Variants in LRRC20 observed in about 807,000 individuals in gnomAD.
The protein encoded by LRRC20 is leucine rich repeat containing 20.
In LRRC20, 11 loss-of-function variants were observed where a neutral mutation model predicts 14.4. The ratio of observed to expected loss-of-function variants is 0.77; its 90% CI spans 0.48 to 1.27. The LOEUF (loss-of-function observed/expected upper bound fraction) is 1.27. Ranked by LOEUF, LRRC20 falls within the 50% of genes most tolerant of loss-of-function variation. LRRC20 has a pLI of 0.00. For missense variants in LRRC20, 219 were observed against 251.2 expected (o/e 0.87, Z 0.87); for synonymous variants, 121 against 107.3 (o/e 1.13, Z -0.79).
chr10:70,337,438 C>T (rs116203863), intron 3 of LRRC20, among the ~76,000 whole-genome samples: 2,390 of 152,252 alleles, frequency 0.016, 55 homozygotes, highest in African/African-American at 0.053. Context: ...TTTGAGGCAG[C>T]GTGAGGGAGT....
chr10:70,313,642 C>T (rs573415206), intron 4 of LRRC20, among the ~76,000 whole-genome samples: 1 of 152,112 alleles, frequency 6.6e-6, no homozygotes, highest in Non-Finnish European at 1.5e-5. Flanking sequence ...AAAGACAATA[C>T]CAGCCCCTTC....
intron 2 of LRRC20, among the ~76,000 whole-genome samples, chr10:70,344,898 G>C (rs1161905316): frequency 6.6e-6 from 1 of 152,188 alleles, no homozygotes; most frequent in African/African-American, 2.4e-5. Flanking sequence ...AGTTTTGTAT[G>C]TGAAGATATA....
chr10:70,301,277 C>A lies in LRRC20; in HGVS notation c.*77G>T. On this transcript the variant is annotated 3_prime_UTR_variant, in exon 5 of 5. Coordinates refer to ENST00000446961, the MANE Select transcript of LRRC20 (RefSeq NM_001278212.2). ...CGCCCCCAGCCCCCAGGCTTGGCCT[C>A]CCATGGGCCTCCCTCCCTTCCAGGG... 1 of 1,525,916 alleles carries A rather than the reference C, an allele frequency of 6.6e-7. No individual in the cohort carries two copies. The highest frequency in any genetic ancestry group is 8.8e-7 in the Non-Finnish European group (1 of 1,139,652). 94.5% of individuals were successfully genotyped at this position (1,525,916 alleles called of 1,614,324 possible).
intron 3 of LRRC20, among the ~76,000 whole-genome samples, chr10:70,339,465 C>G (rs7095498): frequency 0.56 from 84,767 of 151,914 alleles, 23,845 homozygotes; most frequent in African/African-American, 0.62. Context: ...CAGGTGAGAG[C>G]GCAAGGAGGC....
At chr10:70,319,982 C>A (rs1468189998) in intron 4 of LRRC20, among the ~76,000 whole-genome samples, 1 of 152,158 alleles carries the variant, frequency 6.6e-6, no homozygotes, top group Non-Finnish European at 1.5e-5. Flanking sequence ...AGCCCCTTGA[C>A]CCACTCTGCT....
At chr10:70,366,312 G>A (rs1472668940) in intron 2 of LRRC20, among the ~76,000 whole-genome samples, 2 of 150,920 alleles carry the variant, frequency 1.3e-5, no homozygotes, top group South Asian at 4.2e-4. Flanking sequence ...AATCCCAGCT[G>A]CTCGGGAGGC....
At chr10:70,367,999 T>TATGTTATG in intron 2 of LRRC20, among the ~76,000 whole-genome samples, 61 of 145,986 alleles carry the variant, frequency 4.2e-4, no homozygotes, top group South Asian at 6.7e-4. Context: ...TATGTTATTT[T>TATGTTATG]TTGAGATGGA....
chr10:70,338,174 A>G (rs774840390), intron 3 of LRRC20, among the ~76,000 whole-genome samples: 1 of 152,182 alleles, frequency 6.6e-6, no homozygotes, highest in Non-Finnish European at 1.5e-5. Context: ...CTTCACTCAG[A>G]AACAGCTATG....
At chr10:70,370,362 G>A (rs1844219803) in intron 2 of LRRC20, among the ~76,000 whole-genome samples, 1 of 152,120 alleles carries the variant, frequency 6.6e-6, no homozygotes, top group Non-Finnish European at 1.5e-5. Context: ...GGAGCACAGG[G>A]TCCAAATTAT....
At chr10:70,381,008 G>C (rs996598545) in intron 1 of LRRC20, among the ~76,000 whole-genome samples, 6 of 152,238 alleles carry the variant, frequency 3.9e-5, no homozygotes, top group Non-Finnish European at 8.8e-5. Flanking sequence ...TCAGGAGAGA[G>C]AGAGACAGGG....
chr10:70,300,711 C>T lies in LRRC20; in HGVS notation c.*643G>A, dbSNP rs370138065. 30 of 985,594 alleles carry T rather than the reference C, an allele frequency of 3.0e-5. 1 individual carries two copies. The South Asian group carries it at 3.3e-4, about 11-fold the overall frequency. 61.1% of individuals were successfully genotyped at this position (985,594 alleles called of 1,614,324 possible). The stretch of plus-strand genomic sequence containing the variant: ...TCCCCATTCCCAGCCTGCTGGTCCT[C>T]GGGCTCCTACATGAATGTTCTTGCC... On this transcript the variant is annotated 3_prime_UTR_variant, in exon 5 of 5. Transcript: ENST00000446961.
chr10:70,361,034 T>G (rs1589115777), intron 2 of LRRC20, among the ~76,000 whole-genome samples: 1 of 135,296 alleles, frequency 7.4e-6, no homozygotes, highest in Non-Finnish European at 1.6e-5. Flanking sequence ...GAAGACAGAG[T>G]GAGACCCCAT....
chr10:70,374,564 G>C (rs1475340011), intron 2 of LRRC20, among the ~76,000 whole-genome samples: 1 of 152,018 alleles, frequency 6.6e-6, no homozygotes, highest in Non-Finnish European at 1.5e-5. Flanking sequence ...GGCTGGTCTT[G>C]AACTCCTGGC....
intron 2 of LRRC20, among the ~76,000 whole-genome samples, chr10:70,340,974 T>C (rs1213447664): frequency 6.6e-6 from 1 of 152,232 alleles, no homozygotes; most frequent in Non-Finnish European, 1.5e-5. Flanking sequence ...CAGAATCGTG[T>C]CTGCCGGCAC....
chr10:70,344,958 G>T (rs1237630086), intron 2 of LRRC20, among the ~76,000 whole-genome samples: 1 of 152,152 alleles, frequency 6.6e-6, no homozygotes. Context: ...GTTTTTTAAA[G>T]AAATTAATTT....
intron 2 of LRRC20, among the ~76,000 whole-genome samples, chr10:70,346,674 T>A (rs1006152697): frequency 6.6e-6 from 1 of 152,186 alleles, no homozygotes; most frequent in African/African-American, 2.4e-5. Context: ...AAAGGATACA[T>A]GCCTGGGAAA....
At chr10:70,359,909 TTTTC>T (rs1843659269) in intron 2 of LRRC20, among the ~76,000 whole-genome samples, 1 of 151,512 alleles carries the variant, frequency 6.6e-6, no homozygotes, top group Non-Finnish European at 1.5e-5. Flanking sequence ...ACTGCATTTT[TTTTC>T]TTTTTCTTTT....
intron 4 of LRRC20, among the ~76,000 whole-genome samples, chr10:70,318,805 TGTTTTTG>T (rs1841971502): frequency 1.3e-5 from 2 of 152,022 alleles, no homozygotes; most frequent in African/African-American, 2.4e-5. Context: ...ATTTTTTGTT[TGTTTTTG>T]TTTTTTGTTT....
chr10:70,338,853 G>T (rs1447509632), intron 3 of LRRC20, among the ~76,000 whole-genome samples: 1 of 152,214 alleles, frequency 6.6e-6, no homozygotes, highest in Non-Finnish European at 1.5e-5. Flanking sequence ...TAGAGACAGA[G>T]TTTCGCCATG....
Sources: allele counts gnomAD v4.1 joint callset (sites outside exome capture counted in the v4.1 genomes callset), GRCh38; gene constraint gnomAD v4.1.1; transcripts MANE v1.5; gene names NCBI Gene and HGNC (gene_info 2026-07-23, HGNC 2026-07-21).